Variants in GLMN observed in about 807,000 individuals in gnomAD.
The protein encoded by GLMN is glomulin, FKBP associated protein.
GLMN carries 75 observed loss-of-function variants against 87.8 expected under a neutral mutation model. The ratio of observed to expected loss-of-function variants is 0.85; its 90% CI spans 0.71 to 1.04. GLMN has a LOEUF of 1.04. Among genes scored for constraint, GLMN ranks in the 50% least tolerant of loss-of-function variants. The probability of loss-of-function intolerance (pLI) is 0.00; values close to 1 mark genes in which losing one functional copy is unlikely to be tolerated. For missense variants in GLMN, 588 were observed against 658.8 expected (o/e 0.89, Z 1.18); for synonymous variants, 206 against 221.6 (o/e 0.93, Z 0.63).
chr1:92,287,054 C>T (rs758382090), intron 6 of GLMN, among the ~76,000 whole-genome samples: 2 of 152,150 alleles, frequency 1.3e-5, no homozygotes, highest in African/African-American at 2.4e-5. Flanking sequence ...GGTGATGTAA[C>T]GTCGTTCGTA....
rs558488736 is a variant in GLMN, at chr1:92,280,588, A to G, written c.735+5902T>C. ...CAAAGGATCACAGCTCCTCACCAGC[A>G]AGGGAACAAAACTGGACGGAGAATG... On this transcript the variant is annotated intron_variant, in intron 7 of 18. Coordinates refer to ENST00000370360, the MANE Select transcript of GLMN (RefSeq NM_053274.3). 2.0e-5 allele frequency among the ~76,000 whole-genome samples: 3 copies of G among 152,340 alleles called. No homozygotes were observed. In the South Asian group the frequency reaches 6.2e-4, roughly 32 times the overall value.
chr1:92,305,638 A>G, the GLMN span, among the ~76,000 whole-genome samples: 14 of 151,984 alleles, frequency 9.2e-5, no homozygotes, highest in African/African-American at 3.1e-4. Flanking sequence ...CCATAGAATC[A>G]TATCTAGAAT....
intron 3 of GLMN, among the ~76,000 whole-genome samples, chr1:92,296,221 T>C (rs1035886558): frequency 6.6e-6 from 1 of 152,148 alleles, no homozygotes; most frequent in Admixed American, 6.5e-5. Context: ...AATAAATAAG[T>C]AGCACTGCAA....
chr1:92,355,077 A>T, the GLMN span, among the ~76,000 whole-genome samples: 10 of 151,760 alleles, frequency 6.6e-5, no homozygotes, highest in African/African-American at 1.7e-4. Context: ...TATTATTATT[A>T]TTTTTTGTAG....
At chr1:92,258,264 A>G (rs1654519743) in intron 16 of GLMN, among the ~76,000 whole-genome samples, 1 of 152,192 alleles carries the variant, frequency 6.6e-6, no homozygotes, top group Admixed American at 6.5e-5. Flanking sequence ...CAGATGCTGG[A>G]GAGGATGTGG....
At chr1:92,359,800 G>T in the GLMN span, among the ~76,000 whole-genome samples, 1 of 152,176 alleles carries the variant, frequency 6.6e-6, no homozygotes, top group Non-Finnish European at 1.5e-5. Flanking sequence ...GGATGAAATG[G>T]CAAGAGGCAG....
At chr1:92,257,849 A>G (rs966442313) in intron 16 of GLMN, among the ~76,000 whole-genome samples, 3 of 152,216 alleles carry the variant, frequency 2.0e-5, no homozygotes, top group African/African-American at 4.8e-5. Context: ...GGACATAGAC[A>G]TGGGCAAAGA....
At chr1:92,362,783 G>GT in the GLMN span, among the ~76,000 whole-genome samples, 4 of 151,960 alleles carry the variant, frequency 2.6e-5, no homozygotes, top group Non-Finnish European at 4.4e-5. Flanking sequence ...TCACTTACAG[G>GT]TTTTTCATTG....
chr1:92,304,219 C>T, the GLMN span: 8 of 1,215,622 alleles, frequency 6.6e-6, no homozygotes, highest in African/African-American at 1.5e-5. Flanking sequence ...ATGACTTAAT[C>T]TTGTAACATA....
At chr1:92,309,048 A>G in the GLMN span, among the ~76,000 whole-genome samples, 1 of 152,162 alleles carries the variant, frequency 6.6e-6, no homozygotes, top group South Asian at 2.1e-4. Flanking sequence ...CAGAATGCTC[A>G]CTGTTTCCCA....
chr1:92,320,656 T>C, the GLMN span: 1 of 1,578,318 alleles, frequency 6.3e-7, no homozygotes, highest in South Asian at 1.1e-5. Flanking sequence ...TCAGTATCAT[T>C]TACCATTTAT....
chr1:92,324,039 TTTGA>T, the GLMN span: 23 of 1,613,852 alleles, frequency 1.4e-5, no homozygotes, highest in African/African-American at 2.7e-5. Flanking sequence ...TGAAGGAGAC[TTTGA>T]TTGAGTGGAA....
Position 92,296,779 on chromosome 1 carries a change from T to C in GLMN, c.165+625A>G, listed in dbSNP as rs114874270. Among the ~76,000 whole-genome samples the C allele has an allele frequency of 1.6e-3, 251 of 152,358 alleles. 3 individuals are homozygous for C. Among genetic ancestry groups the C allele is most frequent in the African/African-American group, 5.9e-3 (245 of 41,596 alleles). On this transcript the variant is annotated intron_variant, in intron 3 of 18. Coordinates refer to ENST00000370360, the MANE Select transcript of GLMN (RefSeq NM_053274.3). ...ACCATTGTAACTGGATGATACTGGC[T>C]AGTATAATGACATATCGTTTTCCTC...
chr1:92,247,170 G>C (rs758508113), intron 17 of GLMN, 26 bp from the exon 18 acceptor site: 13 of 1,051,326 alleles, frequency 1.2e-5, no homozygotes, highest in Non-Finnish European at 1.3e-5. Context: ...AATCATGTGT[G>C]ACACTTAACT....
chr1:92,246,569 TTTTA>T lies in GLMN; in HGVS notation c.1742_1745del (p.Ile581LysfsTer12). On this transcript the variant is annotated frameshift_variant, in exon 19 of 19. Transcript: ENST00000370360. LOFTEE classifies it high-confidence loss of function. The stretch of plus-strand genomic sequence containing the variant: ...TATTTTCTTCAGAGGTAGACTTTGT[TTTTA>T]TTTCAATGAGTTCTTCCACTCGAGC... 6.4e-7 allele frequency: 1 copy of T among 1,574,206 alleles called. No homozygotes were observed. Among genetic ancestry groups the T allele is most frequent in the Non-Finnish European group, 8.7e-7 (1 of 1,143,700 alleles).
At chr1:92,337,432 C>A in the GLMN span, among the ~76,000 whole-genome samples, 2 of 151,994 alleles carry the variant, frequency 1.3e-5, no homozygotes, top group African/African-American at 4.8e-5. Flanking sequence ...TTCAGTAAGT[C>A]TTTTACTAGA....
intron 9 of GLMN, 85 bp downstream of exon 9, chr1:92,269,637 CA>C: frequency 3.4e-6 from 3 of 874,080 alleles, no homozygotes; most frequent in Non-Finnish European, 5.9e-6. Context: ...TAGAGCTTAG[CA>C]AAGAAAAGGC....
the GLMN span, among the ~76,000 whole-genome samples, chr1:92,368,642 T>C: frequency 1.3e-5 from 2 of 152,200 alleles, no homozygotes; most frequent in South Asian, 4.1e-4. Context: ...ATTAAAAATC[T>C]CTCTCTTGAT....
chr1:92,299,049 C>T (rs1218174884), upstream of GLMN: 11 of 1,388,736 alleles, frequency 7.9e-6, no homozygotes, highest in South Asian at 1.4e-5. Context: ...GGAGCGTGTC[C>T]CCGTCCGGCA....
Sources: gnomAD v4.1 joint callset for allele counts (sites outside exome capture counted in the v4.1 genomes callset) on GRCh38, gnomAD v4.1.1 for gene constraint, MANE v1.5 for transcripts, NCBI Gene and HGNC (gene_info 2026-07-23, HGNC 2026-07-21) for gene names.